Variants in LRP1B observed in about 807,000 individuals in gnomAD.
LRP1B encodes low-density lipoprotein receptor-related protein 1B.
Under a neutral mutation model 556.6 loss-of-function variants are expected in LRP1B, and 217 were observed. The ratio of observed to expected loss-of-function variants is 0.39; its 90% CI spans 0.35 to 0.44. The LOEUF is 0.44. LRP1B is among the 20% of genes least tolerant of loss of function. LRP1B has a pLI of 1.00. For synonymous variants in LRP1B, 2,047 were observed against 1,865.8 expected, an observed-to-expected ratio of 1.10 and a Z score of -2.50; for missense variants, 5,053 against 5,620.8, an observed-to-expected ratio of 0.90 and a Z score of 3.23.
At chr2:140,659,400 G>A (rs1184466627) in intron 41 of LRP1B, among the ~76,000 whole-genome samples, 3 of 151,802 alleles carry the variant, frequency 2.0e-5, no homozygotes, top group Non-Finnish European at 2.9e-5. Context: ...GGTTCTACTC[G>A]ATTACAGCTA....
chr2:140,600,893 G>T (rs1682639584), intron 42 of LRP1B, among the ~76,000 whole-genome samples: 1 of 145,580 alleles, frequency 6.9e-6, no homozygotes, highest in African/African-American at 2.5e-5. Context: ...CTTTTGTCAT[G>T]AAATTTTTAC....
intron 1 of LRP1B, among the ~76,000 whole-genome samples, chr2:142,057,353 T>A (rs1182440801): frequency 6.6e-6 from 1 of 152,092 alleles, no homozygotes; most frequent in East Asian, 1.9e-4. Context: ...AGAGTGTATC[T>A]CAGTGACCTA....
chr2:142,026,422 T>C (rs1703504015), intron 1 of LRP1B, among the ~76,000 whole-genome samples: 1 of 152,118 alleles, frequency 6.6e-6, no homozygotes, highest in African/African-American at 2.4e-5. Flanking sequence ...AATGGTCATA[T>C]TCCATGAGTG....
At chr2:140,899,023 C>A in intron 23 of LRP1B, 1 of 329,650 alleles carries the variant, frequency 3.0e-6, no homozygotes, top group South Asian at 2.8e-5. Context: ...CAGTGATTGC[C>A]AGATCTGTCC....
At chr2:140,430,885 C>T (rs1205703933) in intron 66 of LRP1B, among the ~76,000 whole-genome samples, 1 of 152,174 alleles carries the variant, frequency 6.6e-6, no homozygotes, top group Non-Finnish European at 1.5e-5. Flanking sequence ...ACACATCAAG[C>T]TCGGGGATTT....
At chr2:141,019,609 A>G (rs1698007702) in intron 12 of LRP1B, among the ~76,000 whole-genome samples, 1 of 152,070 alleles carries the variant, frequency 6.6e-6, no homozygotes, top group African/African-American at 2.4e-5. Context: ...AAATGGATTG[A>G]TTCTCTGGTT....
chr2:140,736,000 T>G (rs1279717569), intron 35 of LRP1B, among the ~76,000 whole-genome samples: 1 of 152,082 alleles, frequency 6.6e-6, no homozygotes, highest in Non-Finnish European at 1.5e-5. Flanking sequence ...ATATGGGAAT[T>G]AACACTCTAG....
intron 73 of LRP1B, among the ~76,000 whole-genome samples, chr2:140,358,492 G>A (rs1019655559): frequency 6.6e-6 from 1 of 151,572 alleles, no homozygotes; most frequent in Non-Finnish European, 1.5e-5. Context: ...TCAGAAAAAA[G>A]AATTGCATAG....
Position 142,073,020 on chromosome 2 carries a change from T to A in LRP1B, c.82+57628A>T, listed in dbSNP as rs1705376971. ...GCAATGCAGATAAGGATAATGTTAA[T>A]CACAGTCAGAAAGTGTCATTATTTC... is the stretch of plus-strand genomic sequence containing the variant. On this transcript the variant is annotated intron_variant, in intron 1 of 90. Coordinates refer to ENST00000389484, the MANE Select transcript of LRP1B (RefSeq NM_018557.3). Among the ~76,000 whole-genome samples, 2 of 152,048 alleles carry A rather than the reference T, an allele frequency of 1.3e-5. 1 individual carries two copies. Among genetic ancestry groups the A allele is most frequent in the South Asian group, 4.1e-4 (2 of 4,834 alleles).
chr2:140,880,918 CAA>C (rs1693453135), intron 25 of LRP1B, among the ~76,000 whole-genome samples: 1 of 152,052 alleles, frequency 6.6e-6, no homozygotes, highest in South Asian at 2.1e-4. Flanking sequence ...AGTATATATT[CAA>C]AGAGGCTTAG....
At chr2:140,434,068 A>T in intron 66 of LRP1B, among the ~76,000 whole-genome samples, 1 of 150,954 alleles carries the variant, frequency 6.6e-6, no homozygotes, top group South Asian at 2.1e-4. Flanking sequence ...TCTTTTATTT[A>T]TTTATTTTTT....
At chr2:140,642,164 GTTGTCAGTGCCAAA>G (rs1041862888) in intron 41 of LRP1B, among the ~76,000 whole-genome samples, 9 of 152,278 alleles carry the variant, frequency 5.9e-5, no homozygotes, top group Middle Eastern at 3.4e-3. Context: ...TTTCCCATTT[GTTGTCAGTGCCAAA>G]TTGCCAGTGC....
intron 86 of LRP1B, among the ~76,000 whole-genome samples, chr2:140,247,383 T>C (rs1681211959): frequency 6.6e-6 from 1 of 151,652 alleles, no homozygotes; most frequent in Non-Finnish European, 1.5e-5. Flanking sequence ...AAATGTAGAT[T>C]TATAGACATT....
intron 77 of LRP1B, among the ~76,000 whole-genome samples, chr2:140,345,767 CACATATATATACATAT>C (rs1558817938): frequency 1.5e-4 from 18 of 121,904 alleles, no homozygotes; most frequent in African/African-American, 5.5e-4. Context: ...TACATATATA[CACATATATATACATAT>C]ATATACACAT....
chr2:141,352,650 G>T (rs1334537502), intron 3 of LRP1B, among the ~76,000 whole-genome samples: 3 of 151,862 alleles, frequency 2.0e-5, no homozygotes, highest in East Asian at 3.9e-4. Flanking sequence ...ATAGAAATTT[G>T]TATATTACTA....
intron 2 of LRP1B, among the ~76,000 whole-genome samples, chr2:141,686,779 C>T (rs186235359): frequency 2.0e-5 from 3 of 151,980 alleles, no homozygotes; most frequent in Admixed American, 1.3e-4. Flanking sequence ...AAAGATTAAT[C>T]CATCAGTAGA....
chr2:141,187,199 A>G (rs1332090450), intron 7 of LRP1B, among the ~76,000 whole-genome samples: 1 of 152,078 alleles, frequency 6.6e-6, no homozygotes, highest in Non-Finnish European at 1.5e-5. Context: ...TCAAGTAACC[A>G]TCTGCTGCAA....
chr2:141,240,161 TA>T (rs1683810852), intron 5 of LRP1B, among the ~76,000 whole-genome samples: 1 of 152,086 alleles, frequency 6.6e-6, no homozygotes, highest in Admixed American at 6.6e-5. Context: ...TTCTCAAGAC[TA>T]AAATGATTTT....
intron 1 of LRP1B, among the ~76,000 whole-genome samples, chr2:141,935,510 C>G (rs1010395516): frequency 6.6e-6 from 1 of 151,802 alleles, no homozygotes; most frequent in South Asian, 2.1e-4. Context: ...GCAGAACAGA[C>G]CAAGGAAAAT....
Sources: allele counts gnomAD v4.1 joint callset (sites outside exome capture counted in the v4.1 genomes callset), GRCh38; gene constraint gnomAD v4.1.1; transcripts MANE v1.5; gene names NCBI Gene and HGNC (gene_info 2026-07-23, HGNC 2026-07-21).